Variants in TUBGCP3 observed in about 807,000 individuals in gnomAD.
TUBGCP3 encodes the protein gamma-tubulin complex component 3.
TUBGCP3 carries 50 observed loss-of-function variants against 123.1 expected under a neutral mutation model. That is an observed-to-expected ratio of 0.41 (90% CI 0.32 to 0.51). The LOEUF (loss-of-function observed/expected upper bound fraction) is 0.51, where lower values mean the gene tolerates loss of function less well. TUBGCP3 is among the 20% of genes least tolerant of loss of function. The pLI is 0.36. For synonymous variants in TUBGCP3, 405 were observed against 413.9 expected (o/e 0.98, Z 0.26); for missense variants, 882 against 1,127.0 (o/e 0.78, Z 3.11).
At chr13:112,518,242 A>G (rs1288681553) in intron 16 of TUBGCP3, among the ~76,000 whole-genome samples, 2 of 152,192 alleles carry the variant, frequency 1.3e-5, no homozygotes, top group Non-Finnish European at 2.9e-5. Context: ...GAGAGGCGGG[A>G]AAACAGCACG....
Position 112,565,627 on chromosome 13 carries a change from A to C in TUBGCP3, c.185-449T>G, listed in dbSNP as rs113829041. Among the ~76,000 whole-genome samples the C allele has an allele frequency of 6.3e-3, 963 of 152,348 alleles. 9 individuals are homozygous for C. Among genetic ancestry groups the C allele is most frequent in the African/African-American group, 0.022 (903 of 41,580 alleles). ...ATTCCACTTGGAAACTACATATCCT[A>C]AACATTTTTGTTAAGATACACAGCA... On this transcript the variant is annotated intron_variant, in intron 2 of 21. Coordinates refer to ENST00000261965, the MANE Select transcript of TUBGCP3 (RefSeq NM_006322.6).
At chr13:112,578,286 G>A (rs375593972) in intron 1 of TUBGCP3, among the ~76,000 whole-genome samples, 3 of 151,962 alleles carry the variant, frequency 2.0e-5, no homozygotes, top group African/African-American at 4.8e-5. Flanking sequence ...TCGGCCGGGC[G>A]CGGTGGCTCA....
At chr13:112,546,135 C>G (rs1468632913) in intron 10 of TUBGCP3, 2 of 363,190 alleles carry the variant, frequency 5.5e-6, no homozygotes, top group Admixed American at 7.8e-5. Context: ...CAAAAAGTAG[C>G]AAAAAATTGC....
chr13:112,552,782 C>T (rs1368663183), intron 8 of TUBGCP3, among the ~76,000 whole-genome samples: 4 of 151,254 alleles, frequency 2.6e-5, no homozygotes, highest in Non-Finnish European at 5.9e-5. Context: ...TCCCCACCAG[C>T]CACGCTCTTC....
chr13:112,576,381 G>C lies in TUBGCP3; in HGVS notation c.77-7122C>G, dbSNP rs1362432190. On this transcript the variant is annotated intron_variant, in intron 1 of 21. Coordinates refer to ENST00000261965, the MANE Select transcript of TUBGCP3 (RefSeq NM_006322.6). ...CTCCAAGAGCAAGCACTTCAAACTT[G>C]CAGTCATGGGTGAATGAGTTCTGGA... is the stretch of plus-strand genomic sequence containing the variant. 2.0e-5 allele frequency among the ~76,000 whole-genome samples: 3 copies of C among 152,168 alleles called. No homozygotes were observed. In the East Asian group the frequency reaches 5.8e-4, roughly 29 times the overall value.
intron 11 of TUBGCP3, among the ~76,000 whole-genome samples, chr13:112,543,904 G>A (rs994161947): frequency 6.6e-6 from 1 of 152,018 alleles, no homozygotes; most frequent in East Asian, 1.9e-4. Flanking sequence ...AAACTAACAG[G>A]TAATCAGAAG....
chr13:112,537,568 G>A (rs1403789803), intron 11 of TUBGCP3, among the ~76,000 whole-genome samples: 1 of 152,080 alleles, frequency 6.6e-6, no homozygotes, highest in East Asian at 1.9e-4. Flanking sequence ...GAGGATTTTT[G>A]CATCTATATT....
Position 112,578,097 on chromosome 13 carries a change from A to G in TUBGCP3, c.77-8838T>C, listed in dbSNP as rs539972267. Among the ~76,000 whole-genome samples, 75 of 152,266 alleles carry G rather than the reference A, an allele frequency of 4.9e-4. 1 individual carries two copies. The South Asian group carries it at 0.015, about 29-fold the overall frequency. On this transcript the variant is annotated intron_variant, in intron 1 of 21. Coordinates refer to ENST00000261965, the MANE Select transcript of TUBGCP3 (RefSeq NM_006322.6). ...ATCCCTTGAGGCCTTTGGAACGCCA[A>G]TCTGTGCTAAAGGGCGGAAGGCTAC...
rs1881486616 is a variant in TUBGCP3, at chr13:112,508,989, C to T, written c.2087-4275G>A. ...GCTGCCCTGCTAATCACCACGGTCG[C>T]GCCCCAGGTTCATTATTCTCAACTA... is the stretch of plus-strand genomic sequence containing the variant. On this transcript the variant is annotated intron_variant, in intron 17 of 21. Transcript: ENST00000261965. The surrounding 1 kb of genome is among the most constrained non-coding windows in gnomAD (Gnocchi z 4.2). Among the ~76,000 whole-genome samples, 2 of 152,216 alleles carry T rather than the reference C, an allele frequency of 1.3e-5. No homozygotes were observed. The highest frequency in any genetic ancestry group is 2.1e-4 in the South Asian group (1 of 4,836).
At chr13:112,564,090 T>C (rs1471987404) in intron 3 of TUBGCP3, among the ~76,000 whole-genome samples, 1 of 152,182 alleles carries the variant, frequency 6.6e-6, no homozygotes, top group Non-Finnish European at 1.5e-5. Context: ...GATACAGCAG[T>C]TTGAAATAAT....
intron 1 of TUBGCP3, among the ~76,000 whole-genome samples, chr13:112,578,887 T>C (rs1165505885): frequency 6.6e-6 from 1 of 152,114 alleles, no homozygotes; most frequent in Non-Finnish European, 1.5e-5. Context: ...AAAAATTAAA[T>C]AGAAGAGTAA....
At chr13:112,554,815 C>T (rs756157468) in intron 7 of TUBGCP3, 72 bp downstream of exon 7, 9 of 1,072,582 alleles carry the variant, frequency 8.4e-6, no homozygotes, top group Admixed American at 7.0e-5. Flanking sequence ...TATCAATCAA[C>T]AGCCACTATC....
At chr13:112,557,703 A>G (rs1309976285) in intron 5 of TUBGCP3, among the ~76,000 whole-genome samples, 2 of 152,266 alleles carry the variant, frequency 1.3e-5, no homozygotes, top group African/African-American at 4.8e-5. Flanking sequence ...TTCGTTGTGC[A>G]TTCCTGCATT....
intron 12 of TUBGCP3, 125 bp downstream of exon 12, chr13:112,527,249 T>C: frequency 1.3e-6 from 1 of 780,162 alleles, no homozygotes; most frequent in Non-Finnish European, 2.0e-6. Context: ...ATGCACTTAC[T>C]TCATCTCCAG....
At chr13:112,547,809 T>A in intron 9 of TUBGCP3, 57 bp from the exon 10 acceptor site, 1 of 1,370,192 alleles carries the variant, frequency 7.3e-7, no homozygotes, top group Non-Finnish European at 9.5e-7. Flanking sequence ...AGATCACACT[T>A]CTTAATCTAT....
chr13:112,569,466 T>G, intron 1 of TUBGCP3, among the ~76,000 whole-genome samples: 1 of 151,994 alleles, frequency 6.6e-6, no homozygotes, highest in East Asian at 1.9e-4. Context: ...ATGAGAACAG[T>G]AACACACCAG....
At chr13:112,546,075 A>G (rs1878961935) in intron 10 of TUBGCP3, 2 of 515,182 alleles carry the variant, frequency 3.9e-6, no homozygotes, top group Non-Finnish European at 3.4e-6. Flanking sequence ...GCTTTACACA[A>G]GTGTGTGAGT....
chr13:112,503,441 C>T (rs1881070174), intron 19 of TUBGCP3, among the ~76,000 whole-genome samples: 3 of 152,190 alleles, frequency 2.0e-5, no homozygotes, highest in African/African-American at 2.4e-5. Context: ...GTGATCTCGG[C>T]TCACTGCAAC....
chr13:112,549,683 T>A (rs1380080121), intron 8 of TUBGCP3, among the ~76,000 whole-genome samples: 2 of 151,980 alleles, frequency 1.3e-5, no homozygotes, highest in African/African-American at 2.4e-5. Flanking sequence ...TTTCCACACA[T>A]CTCCAATCTT....
Sources: gnomAD v4.1 joint callset for allele counts (sites outside exome capture counted in the v4.1 genomes callset) on GRCh38, gnomAD v4.1.1 for gene constraint, Gnocchi (gnomAD v3.1) non-coding constraint, MANE v1.5 for transcripts, NCBI Gene and HGNC (gene_info 2026-07-23, HGNC 2026-07-21) for gene names.